JARID2: variants seen among roughly 807,000 people sequenced by gnomAD.
JARID2 encodes the protein protein Jumonji.
In JARID2, 21 loss-of-function variants were observed where a neutral mutation model predicts 125.6. The observed-to-expected ratio is 0.17, with a 90% CI of 0.12 to 0.24. The LOEUF (loss-of-function observed/expected upper bound fraction) is 0.24. Ranked by LOEUF, JARID2 falls within the 10% of genes least tolerant of loss-of-function variation. JARID2 has a pLI of 1.00. For missense variants in JARID2, 1,303 were observed against 1,639.6 expected (o/e 0.79, Z 3.55); for synonymous variants, 736 against 661.6 (o/e 1.11, Z -1.73).
intron 2 of JARID2, among the ~76,000 whole-genome samples, chr6:15,405,342 C>T (rs1461077186): frequency 1.3e-5 from 2 of 152,154 alleles, no homozygotes; most frequent in Non-Finnish European, 2.9e-5. Flanking sequence ...CTGTTGTGTT[C>T]AATTTCTTTA....
intron 1 of JARID2, among the ~76,000 whole-genome samples, chr6:15,357,953 TATG>T (rs1763663352): frequency 6.6e-6 from 1 of 152,228 alleles, no homozygotes; most frequent in Admixed American, 6.5e-5. Context: ...TAATTTTGTT[TATG>T]ATGTTTTTGT....
intron 4 of JARID2, among the ~76,000 whole-genome samples, chr6:15,461,025 G>A (rs886771301): frequency 6.6e-6 from 1 of 152,130 alleles, no homozygotes; most frequent in African/African-American, 2.4e-5. Flanking sequence ...CTTTCTTACT[G>A]GTTTCTTCTT....
rs138960688 is a variant in JARID2 at position 15,492,549 on chromosome 6, C to T, written c.907-3583C>T. ...AGTGTTGGCTCCTTATAGACAAGTCCAGGCCAGGAAAAGGGGTGTCCTTTT... is the reference window on the plus strand; with the variant it reads ...AGTGTTGGCTCCTTATAGACAAGTCTAGGCCAGGAAAAGGGGTGTCCTTTT... On this transcript the variant is annotated intron_variant, in intron 6 of 17. Coordinates refer to ENST00000341776, the MANE Select transcript of JARID2 (RefSeq NM_004973.4). 2.0e-5 allele frequency among the ~76,000 whole-genome samples: 3 copies of T among 152,296 alleles called. No individual in the cohort carries two copies. The East Asian group carries it at 5.8e-4, about 29-fold the overall frequency.
At chr6:15,516,093 G>T (rs1771546371) in intron 16 of JARID2, among the ~76,000 whole-genome samples, 1 of 151,746 alleles carries the variant, frequency 6.6e-6, no homozygotes, top group Non-Finnish European at 1.5e-5. Flanking sequence ...ATACATTTGT[G>T]AATTTAAATT....
At chr6:15,450,955 G>C (rs996602812) in intron 3 of JARID2, among the ~76,000 whole-genome samples, 15 of 152,268 alleles carry the variant, frequency 9.9e-5, no homozygotes, top group Admixed American at 3.3e-4. Flanking sequence ...CTGAGGTCAG[G>C]AGTTCAAGAC....
chr6:15,441,753 G>A (rs1330002246), intron 3 of JARID2, among the ~76,000 whole-genome samples: 1 of 152,018 alleles, frequency 6.6e-6, no homozygotes. Context: ...TATCTTAGAA[G>A]CATTCCACTG....
intron 1 of JARID2, among the ~76,000 whole-genome samples, chr6:15,309,078 T>C (rs1418118046): frequency 6.6e-6 from 1 of 152,222 alleles, no homozygotes; most frequent in Non-Finnish European, 1.5e-5. Context: ...GCAAGATTGA[T>C]GTTGGATATC....
intron 11 of JARID2, among the ~76,000 whole-genome samples, chr6:15,507,994 TG>T (rs1218549536): frequency 1.3e-5 from 2 of 152,266 alleles, no homozygotes; most frequent in East Asian, 1.9e-4. Flanking sequence ...CTGGCCCTGA[TG>T]GGGGTTTTTG....
chr6:15,312,721 G>T (rs1339216750), intron 1 of JARID2, among the ~76,000 whole-genome samples: 3 of 152,100 alleles, frequency 2.0e-5, no homozygotes, highest in Non-Finnish European at 2.9e-5. Context: ...TGTTCTTCCT[G>T]TGACTCACTC....
At chr6:15,419,720 T>TG (rs775106700) in intron 3 of JARID2, among the ~76,000 whole-genome samples, 11 of 152,250 alleles carry the variant, frequency 7.2e-5, no homozygotes, top group Non-Finnish European at 1.3e-4. Flanking sequence ...ACTGTCCCGA[T>TG]GTGCATCATT....
chr6:15,266,585 T>G (rs2127343212), intron 1 of JARID2, among the ~76,000 whole-genome samples: 1 of 152,336 alleles, frequency 6.6e-6, no homozygotes, highest in African/African-American at 2.4e-5. Context: ...CTAGGGTGTT[T>G]GTAGTATATT....
In JARID2 at chr6:15,468,733, G is replaced by T. The variant is rs1768870288; in HGVS notation, c.670+15G>T. The T allele has an allele frequency of 6.3e-7, 1 of 1,596,670 alleles. No homozygotes were observed. Among genetic ancestry groups the T allele is most frequent in the Admixed American group, 1.8e-5 (1 of 56,726 alleles). ...CAACGGGCATGGTAGGTCCACCGTT[G>T]AACTTGGATAAGAAAAAATCTAAAG... is the stretch of plus-strand genomic sequence containing the variant. On this transcript the variant is annotated intron_variant, in intron 5 of 17. Transcript: ENST00000341776.
At chr6:15,377,918 C>CAA (rs1319234288) in intron 2 of JARID2, among the ~76,000 whole-genome samples, 1 of 149,952 alleles carries the variant, frequency 6.7e-6, no homozygotes, top group Non-Finnish European at 1.5e-5. Flanking sequence ...ATGGAGTTTC[C>CAA]CTCTGTTGCC....
At chr6:15,314,266 A>G (rs1762109277) in intron 1 of JARID2, among the ~76,000 whole-genome samples, 1 of 152,130 alleles carries the variant, frequency 6.6e-6, no homozygotes, top group Non-Finnish European at 1.5e-5. Flanking sequence ...ATTTGCCACT[A>G]CTTCAAATAC....
chr6:15,257,304 C>G (rs1379013496), intron 1 of JARID2, among the ~76,000 whole-genome samples: 1 of 152,134 alleles, frequency 6.6e-6, no homozygotes, highest in African/African-American at 2.4e-5. Flanking sequence ...AGAAGTGATT[C>G]AAATCAGACA....
chr6:15,464,647 C>T (rs956866936), intron 4 of JARID2, among the ~76,000 whole-genome samples: 1 of 152,184 alleles, frequency 6.6e-6, no homozygotes, highest in Non-Finnish European at 1.5e-5. Flanking sequence ...GGTTAACTGA[C>T]CTCCTCCCCT....
intron 1 of JARID2, among the ~76,000 whole-genome samples, chr6:15,331,352 A>G (rs1421682340): frequency 2.0e-5 from 3 of 151,372 alleles, no homozygotes; most frequent in Admixed American, 1.3e-4. Context: ...AACAAAAACA[A>G]AAACAAAAAA....
rs1331704896 is a variant in JARID2 at position 15,439,965 on chromosome 6, T to C, written c.324-12041T>C. ...TGAGGCACATGTGTTAAACCAGCAA[T>C]GCTGTACCTTTAGCAGAGTGTTGTT... On this transcript the variant is annotated intron_variant, in intron 3 of 17. Transcript: ENST00000341776. Among the ~76,000 whole-genome samples, 6 of 152,346 alleles carry C rather than the reference T, an allele frequency of 3.9e-5. No individual in the cohort carries two copies. The East Asian group carries it at 1.2e-3, about 29-fold the overall frequency.
intron 1 of JARID2, among the ~76,000 whole-genome samples, chr6:15,338,106 T>G (rs1023075362): frequency 6.6e-6 from 1 of 152,204 alleles, no homozygotes; most frequent in Admixed American, 6.5e-5. Context: ...ATTCCTATTC[T>G]CCAGGTTTTC....
Sources: gnomAD v4.1 joint callset for allele counts (sites outside exome capture counted in the v4.1 genomes callset) on GRCh38, gnomAD v4.1.1 for gene constraint, MANE v1.5 for transcripts, NCBI Gene and HGNC (gene_info 2026-07-23, HGNC 2026-07-21) for gene names.